Variants in NPAS2 observed in about 807,000 individuals in gnomAD.
NPAS2 encodes neuronal PAS domain protein 2.
Under a neutral mutation model 107.5 loss-of-function variants are expected in NPAS2, and 23 were observed. The ratio of observed to expected loss-of-function variants is 0.21; its 90% CI spans 0.15 to 0.30. The LOEUF (loss-of-function observed/expected upper bound fraction) is 0.30, where lower values mean the gene tolerates loss of function less well. NPAS2 is among the 10% of genes least tolerant of loss of function. The pLI, the probability that NPAS2 is intolerant of heterozygous loss-of-function variation, is 1.00. For missense variants in NPAS2, 756 were observed against 1,043.3 expected, an observed-to-expected ratio of 0.72 and a Z score of 3.79; for synonymous variants, 403 against 417.5, an observed-to-expected ratio of 0.97 and a Z score of 0.42.
rs2104952671 is a variant in NPAS2, at chr2:100,934,719, A to G, written c.273+1718A>G. On this transcript the variant is annotated intron_variant, in intron 4 of 20. Transcript: ENST00000335681. ...TAGTGCTGAGTGACTGGAGCCTTCTAGCATCTCCTCCCTGGTGGCCTGAGC... is the reference window on the plus strand; with the variant it reads ...TAGTGCTGAGTGACTGGAGCCTTCTGGCATCTCCTCCCTGGTGGCCTGAGC... 7.8e-6 allele frequency: 7 copies of G among 896,212 alleles called. No individual in the cohort carries two copies. The South Asian group carries it at 3.6e-4, about 46-fold the overall frequency. The allele number at this position is 896,212 out of a possible 1,614,324, so 55.5% of individuals were successfully genotyped here.
intron 3 of NPAS2, among the ~76,000 whole-genome samples, chr2:100,929,620 T>G (rs956864448): frequency 6.6e-6 from 1 of 152,156 alleles, no homozygotes; most frequent in Non-Finnish European, 1.5e-5. Flanking sequence ...CCAGTTGACA[T>G]CAAGTTGGTA....
chr2:100,855,555 A>C (rs1157669715), intron 1 of NPAS2, among the ~76,000 whole-genome samples: 1 of 152,210 alleles, frequency 6.6e-6, no homozygotes, highest in Non-Finnish European at 1.5e-5. Context: ...TTGACCCATC[A>C]TGCATTTATT....
intron 20 of NPAS2, chr2:100,993,858 T>C (rs564246281): frequency 6.3e-5 from 17 of 268,820 alleles, no homozygotes; most frequent in Middle Eastern, 1.1e-3. Flanking sequence ...AAAACATTGA[T>C]GACTATGTTG....
chr2:100,842,963 G>A (rs1677535624), intron 1 of NPAS2, among the ~76,000 whole-genome samples: 2 of 152,184 alleles, frequency 1.3e-5, no homozygotes, highest in African/African-American at 2.4e-5. Context: ...GCTCATGCCT[G>A]TAATCCCAGC....
intron 1 of NPAS2, among the ~76,000 whole-genome samples, chr2:100,897,385 C>G (rs1413091744): frequency 6.6e-6 from 1 of 152,188 alleles, no homozygotes; most frequent in East Asian, 1.9e-4. Context: ...AACTTAAGTT[C>G]ATTTAAGTTT....
intron 18 of NPAS2, 91 bp from the exon 19 acceptor site, chr2:100,990,689 G>A: frequency 8.1e-7 from 1 of 1,238,476 alleles, no homozygotes; most frequent in Non-Finnish European, 1.2e-6. Context: ...AACCATAAAG[G>A]GTCCAGCCAG....
Position 100,996,343 on chromosome 2 carries a change from T to G in NPAS2, c.*761T>G, listed in dbSNP as rs181392517. 1 of 156,396 alleles carries G rather than the reference T, an allele frequency of 6.4e-6. No individual in the cohort carries two copies. Among genetic ancestry groups the G allele is most frequent in the East Asian group, 1.9e-4 (1 of 5,346 alleles). The allele number at this position is 156,396 out of a possible 1,614,324, so 9.7% of individuals were successfully genotyped here. On this transcript the variant is annotated 3_prime_UTR_variant, in exon 21 of 21. Coordinates refer to ENST00000335681, the MANE Select transcript of NPAS2 (RefSeq NM_002518.4). ...TCCTGTTTACTTCATTGATTGCAAC[T>G]ACAAAGGTGGACTCAAAGCAAAGCA...
At chr2:100,910,506 C>G (rs1682473412) in intron 2 of NPAS2, among the ~76,000 whole-genome samples, 1 of 150,412 alleles carries the variant, frequency 6.6e-6, no homozygotes, top group African/African-American at 2.4e-5. Context: ...TCTCCCCACA[C>G]AGCCAGATGA....
chr2:100,986,835 A>C (rs1348269875), intron 16 of NPAS2: 1 of 152,258 alleles, frequency 6.6e-6, no homozygotes, highest in Non-Finnish European at 1.5e-5. Context: ...ATTCATTTAC[A>C]CATTTAATTT....
At chr2:100,830,012 C>T (rs908077892) in intron 1 of NPAS2, among the ~76,000 whole-genome samples, 1 of 152,076 alleles carries the variant, frequency 6.6e-6, no homozygotes, top group African/African-American at 2.4e-5. Context: ...GTCAACAGAC[C>T]ACACAAGAAA....
At chr2:100,856,719 G>A (rs1182689163) in intron 1 of NPAS2, among the ~76,000 whole-genome samples, 1 of 147,344 alleles carries the variant, frequency 6.8e-6, no homozygotes, top group African/African-American at 2.5e-5. Flanking sequence ...GGGTGGGGGC[G>A]GGGGCGGGGG....
At chr2:100,852,155 G>C (rs1678220970) in intron 1 of NPAS2, among the ~76,000 whole-genome samples, 1 of 152,126 alleles carries the variant, frequency 6.6e-6, no homozygotes, top group African/African-American at 2.4e-5. Flanking sequence ...CCAGCACTTT[G>C]GGAGGTCAAG....
At chr2:100,971,694 C>T (rs1486068389) in intron 12 of NPAS2, among the ~76,000 whole-genome samples, 1 of 152,156 alleles carries the variant, frequency 6.6e-6, no homozygotes, top group Admixed American at 6.6e-5. Context: ...TTCCATCCTT[C>T]CTTCCACACA....
At chr2:100,918,067 T>TA (rs1358633710) in intron 2 of NPAS2, among the ~76,000 whole-genome samples, 2 of 80,406 alleles carry the variant, frequency 2.5e-5, no homozygotes, top group African/African-American at 4.4e-5. Context: ...ACTATATATA[T>TA]TTATATATAT....
intron 2 of NPAS2, among the ~76,000 whole-genome samples, chr2:100,917,161 A>G (rs12993411): frequency 6.6e-6 from 1 of 152,250 alleles, no homozygotes; most frequent in Admixed American, 6.5e-5. Flanking sequence ...GAAATTAGAT[A>G]TAAACACAGA....
At chr2:100,840,300 A>G (rs1228791951) in intron 1 of NPAS2, among the ~76,000 whole-genome samples, 1 of 152,028 alleles carries the variant, frequency 6.6e-6, no homozygotes, top group Admixed American at 6.6e-5. Flanking sequence ...GCTCTCCTTC[A>G]CTTAACTACA....
chr2:100,854,531 G>T (rs751771006), intron 1 of NPAS2, among the ~76,000 whole-genome samples: 1 of 152,180 alleles, frequency 6.6e-6, no homozygotes, highest in Non-Finnish European at 1.5e-5. Context: ...CCAGGGGAAA[G>T]AGAAAGCATT....
At chr2:100,849,903 A>G (rs1327066449) in intron 1 of NPAS2, among the ~76,000 whole-genome samples, 2 of 151,780 alleles carry the variant, frequency 1.3e-5, no homozygotes, top group Non-Finnish European at 2.9e-5. Context: ...GGTCAGGGAA[A>G]GTGGTTAGAC....
chr2:100,937,736 T>C lies in NPAS2; in HGVS notation c.274-17T>C. On this transcript the variant is annotated splice_polypyrimidine_tract_variant and intron_variant, in intron 4 of 20. Transcript: ENST00000335681. ...AACGCATTGCTAAGGAGCTTTCAAA[T>C]GTTGCATTTTCCACAGGCATTAGAT... The C allele has an allele frequency of 6.2e-7, 1 of 1,600,600 alleles. No homozygotes were observed. The highest frequency in any genetic ancestry group is 8.6e-7 in the Non-Finnish European group (1 of 1,167,646).
Sources: allele counts gnomAD v4.1 joint callset (sites outside exome capture counted in the v4.1 genomes callset), GRCh38; gene constraint gnomAD v4.1.1; transcripts MANE v1.5; gene names NCBI Gene and HGNC (gene_info 2026-07-23, HGNC 2026-07-21).